LMTK2: variants seen among roughly 807,000 people sequenced by gnomAD.
LMTK2 encodes serine/threonine-protein kinase LMTK2.
LMTK2 carries 37 observed loss-of-function variants against 127.5 expected under a neutral mutation model. The ratio of observed to expected loss-of-function variants is 0.29; its 90% CI spans 0.22 to 0.38. The LOEUF is 0.38. LMTK2 is among the 10% of genes least tolerant of loss of function. The probability of loss-of-function intolerance (pLI) is 1.00; values close to 1 mark genes in which losing one functional copy is unlikely to be tolerated. For missense variants in LMTK2, 1,694 were observed against 1,920.3 expected (o/e 0.88, Z 2.20); for synonymous variants, 819 against 810.1 (o/e 1.01, Z -0.19).
At chr7:98,132,791 T>A (rs75961759) in intron 1 of LMTK2, among the ~76,000 whole-genome samples, 1 of 152,196 alleles carries the variant, frequency 6.6e-6, no homozygotes, top group Non-Finnish European at 1.5e-5. Context: ...ATTTTTTTTT[T>A]AATTGAATCC....
chr7:98,188,505 C>G (rs530564652), intron 9 of LMTK2, among the ~76,000 whole-genome samples: 1 of 151,970 alleles, frequency 6.6e-6, no homozygotes, highest in Admixed American at 6.6e-5. Flanking sequence ...GCTGTGTTGC[C>G]CAGGCTGGTC....
At position 98,107,200 on chromosome 7, in the gene LMTK2, G is replaced by A. The variant is rs1188809233; in HGVS notation, c.23G>A (p.Arg8Gln). The A allele has an allele frequency of 4.8e-6, 7 of 1,455,798 alleles. No individual in the cohort carries two copies. Among genetic ancestry groups the A allele is most frequent in the Non-Finnish European group, 6.3e-6 (7 of 1,112,248 alleles). 90.2% of individuals were successfully genotyped at this position (1,455,798 alleles called of 1,614,324 possible). MPGPPAL[R>Q]RRLLLLLLVL... Reference sequence around the variant, plus strand: ...GAGATGCCGGGGCCGCCGGCGTTGCGGCGGAGGCTGCTGCTGCTGCTGCTG... The same window carrying A: ...GAGATGCCGGGGCCGCCGGCGTTGCAGCGGAGGCTGCTGCTGCTGCTGCTG... Residue 8 changes from arginine (R) to glutamine (Q), a missense_variant, in exon 1 of 14, where the codon CGG (arginine) becomes CAG (glutamine). Physicochemically the swap from Arg to Gln is conservative, Grantham distance 43. Coordinates refer to ENST00000297293, the MANE Select transcript of LMTK2 (RefSeq NM_014916.4).
At chr7:98,109,218 A>G (rs1796163209) in intron 1 of LMTK2, among the ~76,000 whole-genome samples, 1 of 152,164 alleles carries the variant, frequency 6.6e-6, no homozygotes, top group South Asian at 2.1e-4. Flanking sequence ...GGTGTCATGA[A>G]TTATAAAATG....
chr7:98,114,590 G>C (rs78677670), intron 1 of LMTK2, among the ~76,000 whole-genome samples: 2,176 of 152,174 alleles, frequency 0.014, 52 homozygotes, highest in African/African-American at 0.05. Context: ...GGTCAAATTA[G>C]GTGTGCAGGA....
chr7:98,129,810 C>T (rs866544134), intron 1 of LMTK2, among the ~76,000 whole-genome samples: 1 of 152,080 alleles, frequency 6.6e-6, no homozygotes, highest in African/African-American at 2.4e-5. Flanking sequence ...CTTTTTCTTA[C>T]CCCGACTTCT....
intron 6 of LMTK2, among the ~76,000 whole-genome samples, chr7:98,162,923 C>T (rs891976355): frequency 1.3e-5 from 2 of 152,180 alleles, no homozygotes; most frequent in African/African-American, 2.4e-5. Context: ...ACCAAATCTG[C>T]TCTCTCTGTG....
chr7:98,159,464 A>C, intron 6 of LMTK2, 39 bp downstream of exon 6: 1 of 1,367,378 alleles, frequency 7.3e-7, no homozygotes, highest in South Asian at 1.2e-5. Flanking sequence ...AGTATTCCAG[A>C]GGTTGTATTC....
intron 1 of LMTK2, among the ~76,000 whole-genome samples, chr7:98,111,363 C>T (rs1796199064): frequency 2.6e-5 from 4 of 152,166 alleles, no homozygotes; most frequent in Admixed American, 2.0e-4. Context: ...AAACAGTAAA[C>T]AAATGAGTCC....
Position 98,154,777 on chromosome 7 carries a change from A to G in LMTK2, c.470A>G (p.Tyr157Cys). ...TTTTAGGTTCTCTTGGGAGAGATTT[A>G]CACGGGCACTAGCGTAGCAAGAGTC... ...WFGKVLLGEI[Y>C]TGTSVARVIV... Residue 157 changes from tyrosine to cysteine, a missense_variant, in exon 5 of 14, where the codon TAC (tyrosine) becomes TGC (cysteine). Physicochemically the swap from Tyr to Cys is radical, Grantham distance 194. This residue lies in a region of LMTK2 where 203 missense variants were observed against 226.2 expected (regional missense o/e 0.90). Transcript: ENST00000297293. 1 of 1,611,820 alleles carries G rather than the reference A, an allele frequency of 6.2e-7. No homozygotes were observed. The highest frequency in any genetic ancestry group is 1.1e-5 in the South Asian group (1 of 90,986).
chr7:98,207,753 G>A lies in LMTK2; in HGVS notation c.*2261G>A, dbSNP rs1797830027. On this transcript the variant is annotated 3_prime_UTR_variant, in exon 14 of 14. Coordinates refer to ENST00000297293, the MANE Select transcript of LMTK2 (RefSeq NM_014916.4). ...TCGTCTTATACAGTGTCAGCCTCGAGTACATTTATTAACCTTTTGGGGCTG... is the reference window on the plus strand; with the variant it reads ...TCGTCTTATACAGTGTCAGCCTCGAATACATTTATTAACCTTTTGGGGCTG... The A allele has an allele frequency of 6.6e-6, 1 of 152,116 alleles. No individual in the cohort carries two copies. 9.4% of individuals were successfully genotyped at this position (152,116 alleles called of 1,614,324 possible). A position where few individuals can be genotyped will look rare whatever the true frequency, so the allele number is the denominator to read the frequency against.
chr7:98,197,662 G>A (rs947253186), intron 11 of LMTK2, among the ~76,000 whole-genome samples: 1 of 152,204 alleles, frequency 6.6e-6, no homozygotes, highest in African/African-American at 2.4e-5. Flanking sequence ...GACTGGTCTA[G>A]GCAGCATAAT....
At chr7:98,142,969 A>G (rs962655891) in intron 3 of LMTK2, among the ~76,000 whole-genome samples, 1 of 152,238 alleles carries the variant, frequency 6.6e-6, no homozygotes, top group Non-Finnish European at 1.5e-5. Flanking sequence ...GACCAGAAAG[A>G]AAACCCTTTG....
At chr7:98,130,440 T>A (rs1020354282) in intron 1 of LMTK2, among the ~76,000 whole-genome samples, 1 of 152,188 alleles carries the variant, frequency 6.6e-6, no homozygotes, top group South Asian at 2.1e-4. Context: ...GGTCTTTGGC[T>A]CTTCTTTGTT....
At chr7:98,168,328 G>A (rs1215074410) in intron 6 of LMTK2, among the ~76,000 whole-genome samples, 1 of 152,204 alleles carries the variant, frequency 6.6e-6, no homozygotes, top group African/African-American at 2.4e-5. Flanking sequence ...CAGTGGGCGG[G>A]GGGACCAGTG....
chr7:98,185,432 A>G (rs959859286), intron 8 of LMTK2, among the ~76,000 whole-genome samples: 1 of 152,254 alleles, frequency 6.6e-6, no homozygotes, highest in African/African-American at 2.4e-5. Context: ...CACATGAGCA[A>G]CAGTAGTTAT....
At chr7:98,127,941 G>C (rs1388082667) in intron 1 of LMTK2, among the ~76,000 whole-genome samples, 2 of 152,182 alleles carry the variant, frequency 1.3e-5, no homozygotes, top group African/African-American at 2.4e-5. Flanking sequence ...TCAGGAGTTT[G>C]AGATTAGCCT....
intron 1 of LMTK2, among the ~76,000 whole-genome samples, chr7:98,135,104 C>T (rs1221129926): frequency 1.3e-5 from 2 of 152,140 alleles, no homozygotes; most frequent in Non-Finnish European, 2.9e-5. Context: ...GTTCTGTTTG[C>T]AGTTCATTTT....
rs774677604 is a variant in LMTK2, at chr7:98,192,564, G to T, written c.2099G>T (p.Cys700Phe). 2 of 1,613,382 alleles carry T rather than the reference G, an allele frequency of 1.2e-6. No homozygotes were observed. Among genetic ancestry groups the T allele is most frequent in the South Asian group, 2.2e-5 (2 of 90,870 alleles). The change falls in exon 11 of 14, where the codon TGC (cysteine) becomes TTC (phenylalanine). Residue 700 changes from cysteine to phenylalanine, a missense_variant. This residue lies in a region of LMTK2 where 527 missense variants were observed against 539.8 expected (regional missense o/e 0.98). Transcript: ENST00000297293. ...PRKIFDSEPL[C>F]LSDNLMHQDN... Reference sequence around the variant, plus strand: ...AAGATTTTTGACAGTGAGCCTCTCTGCCTATCAGATAATCTTATGCACCAA... The same window carrying T: ...AAGATTTTTGACAGTGAGCCTCTCTTCCTATCAGATAATCTTATGCACCAA...
intron 11 of LMTK2, among the ~76,000 whole-genome samples, chr7:98,199,770 C>T (rs1335506454): frequency 6.6e-6 from 1 of 152,248 alleles, no homozygotes; most frequent in African/African-American, 2.4e-5. Context: ...GTTGGGATTA[C>T]AGGCGTGAGC....
Sources: allele counts gnomAD v4.1 joint callset (sites outside exome capture counted in the v4.1 genomes callset), GRCh38; gene constraint gnomAD v4.1.1; regional missense constraint gnomAD v4.1.1; transcripts MANE v1.5; gene names NCBI Gene and HGNC (gene_info 2026-07-23, HGNC 2026-07-21).